CFAP20DC: variants seen among roughly 807,000 people sequenced by gnomAD.
The protein encoded by CFAP20DC is CFAP20 domain containing.
A neutral mutation model predicts 101.7 loss-of-function variants in CFAP20DC; 84 were observed. That is an observed-to-expected ratio of 0.83 (90% CI 0.69 to 0.99). The LOEUF (loss-of-function observed/expected upper bound fraction) is 0.99, where lower values mean the gene tolerates loss of function less well. Among genes scored for constraint, CFAP20DC ranks in the 50% least tolerant of loss-of-function variants. CFAP20DC has a pLI of 0.00. For missense variants in CFAP20DC, 1,007 were observed against 970.3 expected (o/e 1.04, Z -0.50); for synonymous variants, 359 against 351.2 (o/e 1.02, Z -0.25).
intron 14 of CFAP20DC, among the ~76,000 whole-genome samples, chr3:58,817,315 G>A (rs1301364320): frequency 6.6e-5 from 10 of 152,190 alleles, no homozygotes; most frequent in African/African-American, 1.4e-4. Context: ...GCTGAGAGAA[G>A]AAAGCTTCAG....
intron 3 of CFAP20DC, among the ~76,000 whole-genome samples, chr3:58,730,200 A>C (rs889464354): frequency 6.6e-6 from 1 of 152,178 alleles, no homozygotes; most frequent in Non-Finnish European, 1.5e-5. Context: ...TGTAATGTAT[A>C]TTTCAAAATT....
At chr3:58,896,341 G>T (rs2082665970) in intron 6 of CFAP20DC, among the ~76,000 whole-genome samples, 1 of 151,900 alleles carries the variant, frequency 6.6e-6, no homozygotes, top group Non-Finnish European at 1.5e-5. Flanking sequence ...CCAGCTCCTG[G>T]ACTCGTTGAT....
intron 4 of CFAP20DC, among the ~76,000 whole-genome samples, chr3:59,031,189 T>G (rs1046703969): frequency 6.6e-6 from 1 of 152,118 alleles, no homozygotes; most frequent in South Asian, 2.1e-4. Flanking sequence ...GCTCTAGTGT[T>G]TGGGGGCACA....
At chr3:58,852,702 A>G (rs530990944) in intron 12 of CFAP20DC, among the ~76,000 whole-genome samples, 89 of 151,062 alleles carry the variant, frequency 5.9e-4, no homozygotes, top group East Asian at 1.6e-3. Context: ...GCTCAACTAC[A>G]TGGAAACTGA....
In CFAP20DC at chr3:58,729,928, G is replaced by T. The variant is rs1206542253; in HGVS notation, c.198-12300C>A. On this transcript the variant is annotated intron_variant, in intron 3 of 3. Coordinates refer to the CFAP20DC transcript ENST00000486145. This position sits in a 1 kb window ranked among gnomAD's most constrained non-coding sequence, Gnocchi z 4.4. ...AGCTACTTGGGAGGCTGAGGCAGGAGAATCACTTGAACCCAGGAGGCAGAG... is the reference window on the plus strand; with the variant it reads ...AGCTACTTGGGAGGCTGAGGCAGGATAATCACTTGAACCCAGGAGGCAGAG... Among the ~76,000 whole-genome samples the T allele has an allele frequency of 1.3e-5, 2 of 148,334 alleles. No homozygotes were observed. Among genetic ancestry groups the T allele is most frequent in the Non-Finnish European group, 3.0e-5 (2 of 67,644 alleles).
chr3:59,042,141 TG>T (rs2109261390), intron 3 of CFAP20DC, among the ~76,000 whole-genome samples: 1 of 152,124 alleles, frequency 6.6e-6, no homozygotes, highest in East Asian at 1.9e-4. Flanking sequence ...AGGAATTGAC[TG>T]GGCAAGCGGG....
At chr3:58,923,928 G>GT (rs987444130) in intron 5 of CFAP20DC, among the ~76,000 whole-genome samples, 10 of 152,104 alleles carry the variant, frequency 6.6e-5, no homozygotes, top group Non-Finnish European at 1.5e-4. Context: ...TTTGTTTTAG[G>GT]TTTTTTCTCC....
At chr3:59,044,214 A>G (rs891195867) in intron 3 of CFAP20DC, among the ~76,000 whole-genome samples, 1 of 152,330 alleles carries the variant, frequency 6.6e-6, no homozygotes, top group South Asian at 2.1e-4. Flanking sequence ...ATAGGAATAC[A>G]TAACGGTAAT....
At chr3:58,756,680 C>G (rs1354474448) in intron 15 of CFAP20DC, among the ~76,000 whole-genome samples, 2 of 152,106 alleles carry the variant, frequency 1.3e-5, no homozygotes, top group Non-Finnish European at 2.9e-5. Context: ...AACTTCTACT[C>G]TATTCCTACC....
intron 14 of CFAP20DC, among the ~76,000 whole-genome samples, chr3:58,823,007 G>A (rs764450738): frequency 2.6e-5 from 4 of 152,024 alleles, no homozygotes; most frequent in Non-Finnish European, 5.9e-5. Context: ...GATTTTCTTC[G>A]TTTATTTCCA....
At chr3:58,813,634 T>C (rs2074859820) in intron 14 of CFAP20DC, among the ~76,000 whole-genome samples, 1 of 151,912 alleles carries the variant, frequency 6.6e-6, no homozygotes, top group African/African-American at 2.4e-5. Context: ...ATATTAATGA[T>C]GTAGGTGATG....
At chr3:58,862,985 C>G in intron 12 of CFAP20DC, 1 of 967,750 alleles carries the variant, frequency 1.0e-6, no homozygotes, top group South Asian at 4.8e-5. Flanking sequence ...TAGGATATAT[C>G]CATATTCTAA....
At chr3:58,856,128 A>T (rs913343871) in intron 12 of CFAP20DC, among the ~76,000 whole-genome samples, 12 of 150,870 alleles carry the variant, frequency 8.0e-5, no homozygotes, top group African/African-American at 3.0e-4. Flanking sequence ...ACTAAAAAAA[A>T]ACCCCTCTCC....
At chr3:58,916,636 G>T (rs958475300) in intron 5 of CFAP20DC, among the ~76,000 whole-genome samples, 1 of 152,060 alleles carries the variant, frequency 6.6e-6, no homozygotes, top group Admixed American at 6.6e-5. Flanking sequence ...ATAAATGGCT[G>T]GGAATTGATA....
chr3:58,841,002 A>T (rs1482274221), intron 13 of CFAP20DC, among the ~76,000 whole-genome samples: 1 of 152,248 alleles, frequency 6.6e-6, no homozygotes, highest in Admixed American at 6.5e-5. Flanking sequence ...GTCATGGAGA[A>T]TGAAAATGCA....
Position 58,808,675 on chromosome 3 carries a change from G to C in CFAP20DC, c.2176-2219C>G, listed in dbSNP as rs377414170. Reference sequence around the variant, plus strand: ...CATCAACTAATGAGCAAAATAACCAGCTAACATCATAATGACAGGATCAAA... The same window carrying C: ...CATCAACTAATGAGCAAAATAACCACCTAACATCATAATGACAGGATCAAA... On this transcript the variant is annotated intron_variant, in intron 14 of 16. Coordinates refer to ENST00000482387, the MANE Select transcript of CFAP20DC (RefSeq NM_001394063.1). 2.6e-5 allele frequency among the ~76,000 whole-genome samples: 4 copies of C among 152,150 alleles called. No individual in the cohort carries two copies. The South Asian group carries it at 8.3e-4, about 32-fold the overall frequency.
chr3:58,872,685 G>T (rs1179122376), intron 7 of CFAP20DC, among the ~76,000 whole-genome samples: 1 of 152,124 alleles, frequency 6.6e-6, no homozygotes, highest in Admixed American at 6.5e-5. Flanking sequence ...CTAAAGGGCA[G>T]AATCAGAACT....
chr3:59,037,348 T>A (rs1246187230), intron 4 of CFAP20DC, among the ~76,000 whole-genome samples: 1 of 151,532 alleles, frequency 6.6e-6, no homozygotes, highest in Non-Finnish European at 1.5e-5. Flanking sequence ...ACAGGCAACC[T>A]ACAGAATGGG....
Position 58,869,456 on chromosome 3 carries a change from G to A in CFAP20DC, c.887C>T (p.Ser296Leu). The change falls in exon 9 of 17, where the codon TCA (serine) becomes TTA (leucine). Residue 296 changes from serine (S) to leucine (L), a missense_variant. Ser to Leu is a moderately radical substitution (Grantham distance 145). Transcript: ENST00000482387. The surrounding 1 kb of genome is among the most constrained non-coding windows in gnomAD (Gnocchi z 4.3). ...CTTCTCTACAGTGGACGGCTGGCAT[G>A]ATCGGTTATTTTTGGACCCAACGGA... ...VRSVGSKNNR[S>L]CQPSTVEKCV... 1 of 1,612,534 alleles carries A rather than the reference G, an allele frequency of 6.2e-7. No homozygotes were observed. Among genetic ancestry groups the A allele is most frequent in the Non-Finnish European group, 8.5e-7 (1 of 1,179,308 alleles).
Sources: gnomAD v4.1 joint callset for allele counts (sites outside exome capture counted in the v4.1 genomes callset) on GRCh38, gnomAD v4.1.1 for gene constraint, Gnocchi (gnomAD v3.1) non-coding constraint, MANE v1.5 for transcripts, NCBI Gene and HGNC (gene_info 2026-07-23, HGNC 2026-07-21) for gene names.